The following OGDH variants were observed in gnomAD, a reference collection of about 807,000 sequenced individuals.
The protein encoded by OGDH is 2-oxoglutarate dehydrogenase complex component E1.
A neutral mutation model predicts 116.6 loss-of-function variants in OGDH; 38 were observed. The ratio of observed to expected loss-of-function variants is 0.33; its 90% CI spans 0.25 to 0.43. OGDH has a LOEUF of 0.43. OGDH is among the 20% of genes least tolerant of loss of function. OGDH has a pLI of 1.00. For missense variants in OGDH, 825 were observed against 1,357.2 expected, an observed-to-expected ratio of 0.61 and a Z score of 6.16; for synonymous variants, 488 against 533.3, an observed-to-expected ratio of 0.92 and a Z score of 1.17.
intron 2 of OGDH, among the ~76,000 whole-genome samples, chr7:44,629,767 A>T (rs1358291451): frequency 1.3e-5 from 2 of 151,624 alleles, no homozygotes; most frequent in African/African-American, 4.9e-5. Context: ...TTTAATAAAG[A>T]CGGGGTTTCA....
At chr7:44,607,108 C>T (rs531621185) in intron 1 of OGDH, among the ~76,000 whole-genome samples, 1 of 152,334 alleles carries the variant, frequency 6.6e-6, no homozygotes, top group East Asian at 1.9e-4. Flanking sequence ...CCTGTGAGGA[C>T]CGCGTCGCTT....
intron 7 of OGDH, 183 bp downstream of exon 7, chr7:44,674,740 G>A (rs1787614276): frequency 1.5e-6 from 1 of 654,010 alleles, no homozygotes; most frequent in Non-Finnish European, 2.6e-6. Context: ...TGCCTCTGGA[G>A]GACTGCAAAG....
intron 2 of OGDH, among the ~76,000 whole-genome samples, chr7:44,626,958 A>G (rs1396795517): frequency 6.6e-6 from 1 of 152,072 alleles, no homozygotes; most frequent in East Asian, 1.9e-4. Context: ...AATTGGGCCC[A>G]GTATGTGGTG....
At position 44,697,644 on chromosome 7, in the gene OGDH, G is replaced by T. The variant is rs759763992; in HGVS notation, c.2220G>T (p.Leu740=). 5.0e-6 allele frequency: 8 copies of T among 1,614,230 alleles called. No homozygotes were observed. The East Asian group carries it at 1.6e-4, about 31-fold the overall frequency. The part of the protein sequence containing the change: ...LGFAMASPNA[L]VLWEAQFGDF... ...TCGCCATGGCCAGTCCTAATGCCCT[G>T]GTCCTCTGGGAAGCCCAATTTGGTG... is the stretch of plus-strand genomic sequence containing the variant. The change falls in exon 17 of 23, where the codon CTG becomes CTT. Residue 740 remains leucine (L), a synonymous_variant. Transcript: ENST00000222673. The surrounding 1 kb of genome is among the most constrained non-coding windows in gnomAD (Gnocchi z 6.0).
At chr7:44,628,893 C>T (rs1333377176) in intron 2 of OGDH, among the ~76,000 whole-genome samples, 1 of 152,168 alleles carries the variant, frequency 6.6e-6, no homozygotes, top group Non-Finnish European at 1.5e-5. Context: ...ACTAGCTGAC[C>T]TGGGTCTGTC....
chr7:44,669,677 G>T (rs1465543142), intron 5 of OGDH, among the ~76,000 whole-genome samples: 2 of 152,038 alleles, frequency 1.3e-5, no homozygotes, highest in African/African-American at 4.8e-5. Context: ...CACATTGAAG[G>T]GCTGCCTCCC....
At chr7:44,611,449 T>C (rs1784562962) in intron 1 of OGDH, among the ~76,000 whole-genome samples, 1 of 151,618 alleles carries the variant, frequency 6.6e-6, no homozygotes, top group South Asian at 2.1e-4. Context: ...TTTTTTTTTG[T>C]ATTTTTTAGT....
chr7:44,657,809 A>G (rs1786760652), intron 4 of OGDH, among the ~76,000 whole-genome samples: 2 of 152,188 alleles, frequency 1.3e-5, no homozygotes, highest in African/African-American at 4.8e-5. Flanking sequence ...ATTTCTGTAT[A>G]AGACGTTTAG....
At chr7:44,639,152 G>A (rs1223785755) in intron 2 of OGDH, among the ~76,000 whole-genome samples, 1 of 152,200 alleles carries the variant, frequency 6.6e-6, no homozygotes, top group Admixed American at 6.5e-5. Context: ...AGGTCCCCTG[G>A]AACCTAAAGC....
intron 18 of OGDH, among the ~76,000 whole-genome samples, chr7:44,698,872 G>A (rs976971757): frequency 6.6e-6 from 1 of 151,658 alleles, no homozygotes; most frequent in Non-Finnish European, 1.5e-5. Flanking sequence ...TGTGCTGGGT[G>A]TGGTGGCTCA....
intron 20 of OGDH, among the ~76,000 whole-genome samples, chr7:44,703,391 G>A (rs1788927369): frequency 6.6e-6 from 1 of 151,818 alleles, no homozygotes; most frequent in South Asian, 2.1e-4. Flanking sequence ...CTGGGCAACA[G>A]AGTAGGACTC....
rs745451645 is a variant in OGDH at position 44,697,062 on chromosome 7, C to T, written c.2049C>T (p.Phe683=). The change falls in exon 15 of 23, where the codon TTC becomes TTT. Residue 683 remains phenylalanine (F), a splice_region_variant and synonymous_variant. Coordinates refer to ENST00000222673, the MANE Select transcript of OGDH (RefSeq NM_002541.4). This position sits in a 1 kb window ranked among gnomAD's most constrained non-coding sequence, Gnocchi z 6.0. ...GCCAGGACGTGGAGCGGGGCACATT[C>T]AGGTAACGTTCTGGGCAGTTTTGTT... ...LSGQDVERGT[F]SHRHHVLHDQ... is the part of the protein sequence containing the mutation. 6.2e-7 allele frequency: 1 copy of T among 1,613,288 alleles called. No individual in the cohort carries two copies. Among genetic ancestry groups the T allele is most frequent in the African/African-American group, 1.3e-5 (1 of 74,884 alleles).
chr7:44,629,569 CTTTTTCTTTTCTT>C (rs1207357857), intron 2 of OGDH, among the ~76,000 whole-genome samples: 2 of 138,176 alleles, frequency 1.4e-5, no homozygotes, highest in Non-Finnish European at 3.1e-5. Context: ...TTTCCTTTTT[CTTTTTCTTTTCTT>C]TTTTTTTTTT....
rs368075174 is a variant in OGDH, at chr7:44,707,216, C to T, written c.2633-9C>T. 6.2e-7 allele frequency: 1 copy of T among 1,613,666 alleles called. No individual in the cohort carries two copies. Among genetic ancestry groups the T allele is most frequent in the Non-Finnish European group, 8.5e-7 (1 of 1,179,812 alleles). ...GAGAACCAGCCTAGCCATGGGAACT[C>T]TCTTGTAGGAACCCACTTCCAGCGG... is the stretch of plus-strand genomic sequence containing the variant. On this transcript the variant is annotated splice_polypyrimidine_tract_variant and intron_variant, in intron 20 of 22. Transcript: ENST00000222673. The surrounding 1 kb of genome is among the most constrained non-coding windows in gnomAD (Gnocchi z 5.2).
At chr7:44,688,616 G>T (rs1340173153) in intron 10 of OGDH, among the ~76,000 whole-genome samples, 1 of 151,356 alleles carries the variant, frequency 6.6e-6, no homozygotes, top group Non-Finnish European at 1.5e-5. Context: ...ATTTTTAGTA[G>T]AGATGGGGTT....
chr7:44,654,835 G>A (rs562324986), intron 4 of OGDH, among the ~76,000 whole-genome samples: 1 of 152,274 alleles, frequency 6.6e-6, no homozygotes, highest in Non-Finnish European at 1.5e-5. Flanking sequence ...TGGAAGTACT[G>A]TGGCCAAATC....
intron 13 of OGDH, 83 bp downstream of exon 13, chr7:44,696,210 C>A: frequency 8.6e-7 from 1 of 1,157,288 alleles, no homozygotes; most frequent in African/African-American, 1.5e-5. Flanking sequence ...AAAATTCATG[C>A]TTTCCACTTT....
intron 1 of OGDH, chr7:44,622,989 G>T (rs567993585): frequency 6.6e-6 from 1 of 152,274 alleles, no homozygotes; most frequent in South Asian, 2.1e-4. Flanking sequence ...ACCATGGAGG[G>T]CCCAGGGTAG....
At chr7:44,678,939 C>T (rs1787813165) in intron 9 of OGDH, among the ~76,000 whole-genome samples, 1 of 152,212 alleles carries the variant, frequency 6.6e-6, no homozygotes, top group African/African-American at 2.4e-5. Context: ...CCTGATTTGG[C>T]TCAGTGCTAA....
Sources: allele counts gnomAD v4.1 joint callset (sites outside exome capture counted in the v4.1 genomes callset), GRCh38; gene constraint gnomAD v4.1.1; non-coding constraint Gnocchi (gnomAD v3.1); transcripts MANE v1.5; gene names NCBI Gene and HGNC (gene_info 2026-07-23, HGNC 2026-07-21).